Variants in GRID2IP observed in about 807,000 individuals in gnomAD.
The protein encoded by GRID2IP is Grid2 interacting protein, also known as delphilin.
In GRID2IP, 78 loss-of-function variants were observed where a neutral mutation model predicts 114.3. The ratio of observed to expected loss-of-function variants is 0.68; its 90% confidence interval spans 0.57 to 0.82. The LOEUF is 0.82. Among genes scored for constraint, GRID2IP ranks in the 40% least tolerant of loss-of-function variants. The pLI is 0.00. For synonymous variants in GRID2IP, 809 were observed against 724.0 expected (o/e 1.12, Z -1.89); for missense variants, 1,727 against 1,678.5 (o/e 1.03, Z -0.51).
chr7:6,503,758 G>T, intron 15 of GRID2IP, 71 bp from the exon 16 acceptor site: 1 of 1,201,652 alleles, frequency 8.3e-7, no homozygotes, highest in Non-Finnish European at 1.1e-6. Context: ...GACGGAGAGG[G>T]CAGGGCAGAG....
In GRID2IP at chr7:6,519,508, A is replaced by C. The variant is rs1779373137; in HGVS notation, c.1268+1070T>G. Reference sequence around the variant, plus strand: ...TGCGGTGACTCATGCCTGTAATCCCAGCACTTTGGGAGGCTGAAGCAGGTG... The same window carrying C: ...TGCGGTGACTCATGCCTGTAATCCCCGCACTTTGGGAGGCTGAAGCAGGTG... On this transcript the variant is annotated intron_variant, in intron 7 of 21. Transcript: ENST00000457091. The surrounding 1 kb of genome is among the most constrained non-coding windows in gnomAD (Gnocchi z 4.1). 6.6e-6 allele frequency among the ~76,000 whole-genome samples: 1 copy of C among 152,124 alleles called. No individual in the cohort carries two copies. The highest frequency in any genetic ancestry group is 1.5e-5 in the Non-Finnish European group (1 of 68,018).
intron 14 of GRID2IP, among the ~76,000 whole-genome samples, chr7:6,505,436 C>A (rs1166122473): frequency 6.7e-6 from 1 of 148,984 alleles, no homozygotes. Flanking sequence ...GGTGTGATCG[C>A]GGCTCACTGC....
chr7:6,497,744 C>A lies in GRID2IP; in HGVS notation c.*30G>T. 6.6e-7 allele frequency: 1 copy of A among 1,524,622 alleles called. No individual in the cohort carries two copies. The highest frequency in any genetic ancestry group is 1.2e-5 in the South Asian group (1 of 83,032). The allele number at this position is 1,524,622 out of a possible 1,614,324, so 94.4% of individuals were successfully genotyped here. On this transcript the variant is annotated 3_prime_UTR_variant, in exon 22 of 22. Coordinates refer to ENST00000457091, the MANE Select transcript of GRID2IP (RefSeq NM_001145118.2). ...CCCTCTCGGCCTCCATCTCCCTGCTCAGGCCGCAGAGGACGCGGTGTGGCC... is the reference window on the plus strand; with the variant it reads ...CCCTCTCGGCCTCCATCTCCCTGCTAAGGCCGCAGAGGACGCGGTGTGGCC...
chr7:6,521,862 C>T lies in GRID2IP; in HGVS notation c.989+26G>A, dbSNP rs748020469. On this transcript the variant is annotated intron_variant, in intron 5 of 21. Coordinates refer to ENST00000457091, the MANE Select transcript of GRID2IP (RefSeq NM_001145118.2). This position sits in a 1 kb window ranked among gnomAD's most constrained non-coding sequence, Gnocchi z 4.1. ...GGGGTGGGGGCAGCTCCTCACCAAC[C>T]CCTGGTGTCCCCAATAGCCTCTGAC... 1 of 1,535,754 alleles carries T rather than the reference C, an allele frequency of 6.5e-7. No individual in the cohort carries two copies. Among genetic ancestry groups the T allele is most frequent in the Non-Finnish European group, 8.8e-7 (1 of 1,132,798 alleles).
At chr7:6,546,610 C>T (rs1321839341) in intron 1 of GRID2IP, among the ~76,000 whole-genome samples, 4 of 151,632 alleles carry the variant, frequency 2.6e-5, no homozygotes, top group African/African-American at 7.3e-5. Context: ...CTGGGCTCCA[C>T]GGAGGCCCTT....
chr7:6,509,149 C>G lies in GRID2IP; in HGVS notation c.1936G>C (p.Gly646Arg), dbSNP rs746640288. The G allele has an allele frequency of 2.0e-6, 3 of 1,468,208 alleles. No individual in the cohort carries two copies. The highest frequency in any genetic ancestry group is 1.8e-6 in the Non-Finnish European group (2 of 1,109,474). 90.9% of individuals were successfully genotyped at this position (1,468,208 alleles called of 1,614,324 possible). A position where few individuals can be genotyped will look rare whatever the true frequency, so the allele number is the denominator to read the frequency against. ...SRAPSPQPGP[G>R]PICPDSPPSP... ...GGGGGGCTGTCGGGGCAGATGGGCC[C>G]GGGGCCTGGCTGTGGGGAGGGTGCC... The change falls in exon 12 of 22, where the codon GGG becomes CGG. Residue 646 changes from glycine to arginine, a missense_variant. Physicochemically the swap from Gly to Arg is moderately radical, Grantham distance 125. Coordinates refer to ENST00000457091, the MANE Select transcript of GRID2IP (RefSeq NM_001145118.2). The surrounding 1 kb of genome is among the most constrained non-coding windows in gnomAD (Gnocchi z 4.9).
rs1411045773 is a variant in GRID2IP, at chr7:6,521,882, T to G, written c.989+6A>C. 1 of 1,550,084 alleles carries G rather than the reference T, an allele frequency of 6.5e-7. No homozygotes were observed. The highest frequency in any genetic ancestry group is 8.7e-7 in the Non-Finnish European group (1 of 1,145,642). The stretch of plus-strand genomic sequence containing the variant: ...CCAACCCCTGGTGTCCCCAATAGCC[T>G]CTGACCTCATGTCCAGTCCATTGAG... On this transcript the variant is annotated splice_donor_region_variant and intron_variant, in intron 5 of 21. Transcript: ENST00000457091. The surrounding 1 kb of genome is among the most constrained non-coding windows in gnomAD (Gnocchi z 4.1).
chr7:6,515,248 G>T (rs1779271827), intron 7 of GRID2IP, among the ~76,000 whole-genome samples: 1 of 152,140 alleles, frequency 6.6e-6, no homozygotes. Flanking sequence ...GATCACCTCA[G>T]ATCGGGAGTT....
chr7:6,538,478 A>C (rs1253586614), intron 2 of GRID2IP, among the ~76,000 whole-genome samples: 1 of 127,818 alleles, frequency 7.8e-6, no homozygotes, highest in African/African-American at 3.0e-5. Context: ...GAGGTGGGTG[A>C]ATCACTTGAG....
Position 6,526,377 on chromosome 7 carries a change from TC to T in GRID2IP, c.834-69del. 1 of 1,501,780 alleles carries T rather than the reference TC, an allele frequency of 6.7e-7. No homozygotes were observed. Among genetic ancestry groups the T allele is most frequent in the Non-Finnish European group, 9.0e-7 (1 of 1,105,484 alleles). 93.0% of individuals were successfully genotyped at this position (1,501,780 alleles called of 1,614,324 possible). On this transcript the variant is annotated intron_variant, in intron 3 of 21. Coordinates refer to ENST00000457091, the MANE Select transcript of GRID2IP (RefSeq NM_001145118.2). This position sits in a 1 kb window ranked among gnomAD's most constrained non-coding sequence, Gnocchi z 7.6. ...CCCTGGGGCGCAGAGGTTGGAGATG[TC>T]CCGTGTCCCTCTCCCCTTAACCTCT...
chr7:6,516,288 G>A lies in GRID2IP; in HGVS notation c.1269-1759C>T, dbSNP rs1433831800. On this transcript the variant is annotated intron_variant, in intron 7 of 21. Transcript: ENST00000457091. The surrounding 1 kb of genome is among the most constrained non-coding windows in gnomAD (Gnocchi z 4.3). Reference sequence around the variant, plus strand: ...ATAATAAAGAAAATACATAGAATAAGAATAGTTATACTAGAAATAGATTAT... The same window carrying A: ...ATAATAAAGAAAATACATAGAATAAAAATAGTTATACTAGAAATAGATTAT... 1.3e-5 allele frequency among the ~76,000 whole-genome samples: 2 copies of A among 151,690 alleles called. No individual in the cohort carries two copies. The highest frequency in any genetic ancestry group is 2.9e-5 in the Non-Finnish European group (2 of 67,950).
At chr7:6,550,048 T>TG (rs71008399) in intron 1 of GRID2IP, among the ~76,000 whole-genome samples, 50,392 of 152,026 alleles carry the variant, frequency 0.33, 10,162 homozygotes, top group Non-Finnish European at 0.47. Context: ...TGGAATGCAG[T>TG]GGTGCAGTCA....
At position 6,504,088 on chromosome 7, in the gene GRID2IP, G is replaced by A. The variant is rs974277159; in HGVS notation, c.2711-401C>T. ...TAGACCTGTGAGGCAGAGCTGGGGC[G>A]GGGACTGGGCTACTGGAGGAACTCT... On this transcript the variant is annotated intron_variant, in intron 15 of 21. Transcript: ENST00000457091. Among the ~76,000 whole-genome samples the A allele has an allele frequency of 5.3e-5, 8 of 151,556 alleles. No individual in the cohort carries two copies. In the South Asian group the frequency reaches 1.7e-3, roughly 32 times the overall value.
rs560458409 is a variant in GRID2IP, at chr7:6,521,192, A to G, written c.1084+237T>C. Among the ~76,000 whole-genome samples, 10 of 152,228 alleles carry G rather than the reference A, an allele frequency of 6.6e-5. No individual in the cohort carries two copies. The highest frequency in any genetic ancestry group is 1.3e-4 in the Non-Finnish European group (9 of 68,008). On this transcript the variant is annotated intron_variant, in intron 6 of 21. Transcript: ENST00000457091. The surrounding 1 kb of genome is among the most constrained non-coding windows in gnomAD (Gnocchi z 4.1). ...TGCCATGTTGCTCAGACTGGTCTCA[A>G]ACTCCTGGCCTCAAGCGATCCTCCC... is the stretch of plus-strand genomic sequence containing the variant.
chr7:6,532,008 C>T lies in GRID2IP; in HGVS notation c.585-5239G>A, dbSNP rs969072036. Among the ~76,000 whole-genome samples, 29 of 152,142 alleles carry T rather than the reference C, an allele frequency of 1.9e-4. No homozygotes were observed. The highest frequency in any genetic ancestry group is 6.0e-4 in the African/African-American group (25 of 41,430). ...AGTAGAGGGCCTCCCAGAGCTGCGCCTCTTGCTCTGCCAGGAGAGAAGAGG... is the reference window on the plus strand; with the variant it reads ...AGTAGAGGGCCTCCCAGAGCTGCGCTTCTTGCTCTGCCAGGAGAGAAGAGG... On this transcript the variant is annotated intron_variant, in intron 2 of 21. Transcript: ENST00000457091. This position sits in a 1 kb window ranked among gnomAD's most constrained non-coding sequence, Gnocchi z 4.4.
rs1210365752 is a variant in GRID2IP, at chr7:6,507,906, C to T, written c.2544+79G>A. The T allele has an allele frequency of 1.4e-5, 21 of 1,516,202 alleles. No individual in the cohort carries two copies. Among genetic ancestry groups the T allele is most frequent in the Non-Finnish European group, 1.8e-5 (20 of 1,130,674 alleles). The allele number at this position is 1,516,202 out of a possible 1,614,324, so 93.9% of individuals were successfully genotyped here. ...GAGGATGATGTTGGAAGATGCCTGG[C>T]CGATGGGTTTTCCTTCAGTGCTGCT... On this transcript the variant is annotated intron_variant, in intron 13 of 21. Coordinates refer to ENST00000457091, the MANE Select transcript of GRID2IP (RefSeq NM_001145118.2). The surrounding 1 kb of genome is among the most constrained non-coding windows in gnomAD (Gnocchi z 5.3).
intron 20 of GRID2IP, 47 bp from the exon 21 acceptor site, chr7:6,498,275 G>C (rs1332001744): frequency 5.4e-6 from 8 of 1,493,698 alleles, no homozygotes; most frequent in Non-Finnish European, 7.1e-6. Flanking sequence ...TGTGCCCCCA[G>C]GGTCTCAGGT....
At position 6,508,996 on chromosome 7, in the gene GRID2IP, C is replaced by T. The variant is rs556257010; in HGVS notation, c.2089G>A (p.Val697Met). Residue 697 changes from valine to methionine, a missense_variant, in exon 12 of 22, where the codon GTG (valine) becomes ATG (methionine). Val to Met is a conservative substitution (Grantham distance 21, BLOSUM62 1). Coordinates refer to ENST00000457091, the MANE Select transcript of GRID2IP (RefSeq NM_001145118.2). The surrounding 1 kb of genome is among the most constrained non-coding windows in gnomAD (Gnocchi z 5.6). ...TTCTCCGGGGTCAGGAAATCATCCA[C>T]GATGGTGACCCGGGGGCCCAGCTGC... ...SEQLGPRVTI[V>M]DDFLTPENDY... is the part of the protein sequence containing the mutation. 44 of 1,548,282 alleles carry T rather than the reference C, an allele frequency of 2.8e-5. No homozygotes were observed. The highest frequency in any genetic ancestry group is 9.6e-5 in the African/African-American group (7 of 73,154).
intron 8 of GRID2IP, among the ~76,000 whole-genome samples, chr7:6,513,074 C>T (rs538551496): frequency 7.9e-5 from 12 of 152,182 alleles, no homozygotes; most frequent in South Asian, 4.1e-4. Context: ...TCGGAGGGCA[C>T]GCTGAACAGA....
Sources: gnomAD v4.1 joint callset for allele counts (sites outside exome capture counted in the v4.1 genomes callset) on GRCh38, gnomAD v4.1.1 for gene constraint, Gnocchi (gnomAD v3.1) non-coding constraint, MANE v1.5 for transcripts, NCBI Gene and HGNC (gene_info 2026-07-23, HGNC 2026-07-21) for gene names.